Variants in C7orf78 observed in about 807,000 individuals in gnomAD.
The protein encoded by C7orf78 is chromosome 7 open reading frame 78, also known as putative uncharacterized protein C7orf78.
chr7:12,497,893 G>A, the C7orf78 span, among the ~76,000 whole-genome samples: 33 of 150,522 alleles, frequency 2.2e-4, no homozygotes, highest in East Asian at 1.2e-3. Context: ...ATCTGAGAAC[G>A]GGCAGACTGC....
chr7:12,534,958 G>A, the C7orf78 span, among the ~76,000 whole-genome samples: 1 of 134,772 alleles, frequency 7.4e-6, no homozygotes, highest in African/African-American at 2.8e-5. Flanking sequence ...AAGAAAGGGA[G>A]GGAGGGAAGA....
chr7:12,538,659 G>T, the C7orf78 span, among the ~76,000 whole-genome samples: 1 of 152,142 alleles, frequency 6.6e-6, no homozygotes, highest in East Asian at 1.9e-4. Flanking sequence ...CTGATAAGAG[G>T]CATCTTATCA....
the C7orf78 span, among the ~76,000 whole-genome samples, chr7:12,509,673 A>G: frequency 1.3e-5 from 2 of 152,106 alleles, no homozygotes; most frequent in African/African-American, 4.8e-5. Flanking sequence ...CTCTATGTCC[A>G]TGTGATCAAG....
At chr7:12,523,396 TG>T in the C7orf78 span, 43 of 398,194 alleles carry the variant, frequency 1.1e-4, no homozygotes, top group Non-Finnish European at 1.6e-4. Context: ...GGGGTGTATA[TG>T]TCAATCCCAA....
At chr7:12,515,211 C>T in the C7orf78 span, among the ~76,000 whole-genome samples, 2 of 152,096 alleles carry the variant, frequency 1.3e-5, no homozygotes. Flanking sequence ...GTGAGGGACC[C>T]AGTGGGAGAT....
the C7orf78 span, among the ~76,000 whole-genome samples, chr7:12,500,779 A>C: frequency 4.0e-5 from 6 of 150,784 alleles, no homozygotes; most frequent in South Asian, 6.3e-4. Flanking sequence ...CACAACCAAA[A>C]AAGAGAATTT....
chr7:12,539,759 C>T, the C7orf78 span, among the ~76,000 whole-genome samples: 1 of 152,148 alleles, frequency 6.6e-6, no homozygotes, highest in Non-Finnish European at 1.5e-5. Context: ...ATCCATCTCT[C>T]TAACTGACTA....
chr7:12,486,609 A>G, the C7orf78 span, among the ~76,000 whole-genome samples: 1 of 152,014 alleles, frequency 6.6e-6, no homozygotes, highest in African/African-American at 2.4e-5. Context: ...TTGATTTTAC[A>G]TTTTTAAAAC....
the C7orf78 span, chr7:12,530,499 G>A: frequency 2.0e-5 from 3 of 152,068 alleles, no homozygotes; most frequent in East Asian, 1.9e-4. Flanking sequence ...TAATGTTAAC[G>A]CTGGTGAGTT....
the C7orf78 span, among the ~76,000 whole-genome samples, chr7:12,486,307 T>G: frequency 6.6e-6 from 1 of 152,048 alleles, no homozygotes; most frequent in Admixed American, 6.6e-5. Flanking sequence ...TAAAGTTCTA[T>G]AGTTCATATG....
At chr7:12,494,857 G>A in the C7orf78 span, among the ~76,000 whole-genome samples, 1 of 152,108 alleles carries the variant, frequency 6.6e-6, no homozygotes, top group Non-Finnish European at 1.5e-5. Context: ...CCACTGAACT[G>A]TTAGCCCTTT....
chr7:12,515,737 G>A, the C7orf78 span, among the ~76,000 whole-genome samples: 1 of 152,286 alleles, frequency 6.6e-6, no homozygotes, highest in Non-Finnish European at 1.5e-5. Context: ...GGGAACTGGA[G>A]CAAAGGTGAC....
the C7orf78 span, chr7:12,538,248 A>C: frequency 6.6e-6 from 1 of 152,180 alleles, no homozygotes; most frequent in Admixed American, 6.5e-5. Flanking sequence ...CTAAATTAAC[A>C]TTCTAATCTC....
the C7orf78 span, among the ~76,000 whole-genome samples, chr7:12,517,277 A>G: frequency 6.6e-6 from 1 of 152,148 alleles, no homozygotes; most frequent in African/African-American, 2.4e-5. Context: ...TGCCACCGCC[A>G]TGTAAGAAGT....
chr7:12,515,426 C>T, the C7orf78 span, among the ~76,000 whole-genome samples: 1 of 152,172 alleles, frequency 6.6e-6, no homozygotes, highest in East Asian at 1.9e-4. Flanking sequence ...AATTAAACCT[C>T]ATTTTCTTCC....
the C7orf78 span, chr7:12,523,421 C>A: frequency 1.5e-5 from 6 of 397,782 alleles, no homozygotes; most frequent in Non-Finnish European, 2.7e-5. Flanking sequence ...ACATGACTTT[C>A]GACAGGTAAA....
the C7orf78 span, chr7:12,506,758 T>G: frequency 6.5e-6 from 2 of 309,602 alleles, no homozygotes; most frequent in Admixed American, 4.7e-5. Flanking sequence ...ACCTGCACAT[T>G]GTGCACATGT....
chr7:12,496,969 A>G, the C7orf78 span, among the ~76,000 whole-genome samples: 1 of 152,234 alleles, frequency 6.6e-6, no homozygotes, highest in Non-Finnish European at 1.5e-5. Flanking sequence ...TTTATAAACT[A>G]GGACAAAATT....
At chr7:12,497,210 C>T in the C7orf78 span, among the ~76,000 whole-genome samples, 2 of 151,970 alleles carry the variant, frequency 1.3e-5, no homozygotes, top group Non-Finnish European at 2.9e-5. Context: ...TTATTTATGG[C>T]GGGGGGAGGA....
Sources: allele counts gnomAD v4.1 joint callset (sites outside exome capture counted in the v4.1 genomes callset), GRCh38; gene constraint gnomAD v4.1.1; transcripts MANE v1.5; gene names NCBI Gene and HGNC (gene_info 2026-07-23, HGNC 2026-07-21).